Variants in SS18L2 observed in about 807,000 individuals in gnomAD.
SS18L2 encodes SS18-like protein 2.
In SS18L2, 8 loss-of-function variants were observed where a neutral mutation model predicts 10.3. The observed-to-expected ratio is 0.78, with a 90% CI of 0.46 to 1.41. The LOEUF (loss-of-function observed/expected upper bound fraction) is 1.41. Ranked by LOEUF, SS18L2 falls within the 40% of genes most tolerant of loss-of-function variation. The pLI, the probability that SS18L2 is intolerant of heterozygous loss-of-function variation, is 0.00. For synonymous variants in SS18L2, 41 were observed against 34.6 expected, an observed-to-expected ratio of 1.19 and a Z score of -0.65; for missense variants, 100 against 96.2, an observed-to-expected ratio of 1.04 and a Z score of -0.17.
upstream of SS18L2, chr3:42,590,775 A>G: frequency 9.9e-7 from 1 of 1,011,628 alleles, no homozygotes; most frequent in Non-Finnish European, 1.6e-6. Context: ...GCGTCCAGTC[A>G]CAAATGACGT....
rs779851236 is a variant in SS18L2, at chr3:42,591,527, C to T, written c.72C>T (p.Leu24=). 1 of 1,613,382 alleles carries T rather than the reference C, an allele frequency of 6.2e-7. No homozygotes were observed. Among genetic ancestry groups the T allele is most frequent in the Non-Finnish European group, 8.5e-7 (1 of 1,179,362 alleles). ...AEVNQETIQR[L]LEENDQLIRC... ...CCTTTCTTTCTCTGATCTTTCAGCT[C>T]CTTGAGGAGAATGACCAGCTGATCC... Residue 24 remains leucine (L), a splice_region_variant and synonymous_variant, in exon 2 of 3, where the codon CTC becomes CTT. Coordinates refer to ENST00000011691, the MANE Select transcript of SS18L2 (RefSeq NM_001370300.1).
chr3:42,589,263 T>G (rs1335662194), upstream of SS18L2, among the ~76,000 whole-genome samples: 1 of 151,582 alleles, frequency 6.6e-6, no homozygotes, highest in African/African-American at 2.4e-5. Flanking sequence ...AGCGAGACTC[T>G]GTCTCAAAAA....
At chr3:42,582,102 T>C (rs368032053) in intron 1 of SS18L2, 13 of 151,968 alleles carry the variant, frequency 8.6e-5, no homozygotes, top group Non-Finnish European at 1.5e-4. Flanking sequence ...GGCGCGAACG[T>C]AGTGGTTCTT....
intron 2 of SS18L2, 41 bp downstream of exon 2, chr3:42,591,642 G>A (rs1255323012): frequency 7.3e-7 from 1 of 1,368,740 alleles, no homozygotes. Context: ...TGTGGGTAGA[G>A]GGGAAGCCTG....
At chr3:42,593,187 C>T (rs1022359920) in intron 2 of SS18L2, among the ~76,000 whole-genome samples, 1 of 152,068 alleles carries the variant, frequency 6.6e-6, no homozygotes, top group Non-Finnish European at 1.5e-5. Context: ...CTGAGGCGGG[C>T]AGATCATCTG....
rs746254568 is a variant in SS18L2, at chr3:42,596,813, C to T, written c.*2304C>T. Among the ~76,000 whole-genome samples the T allele has an allele frequency of 6.6e-6, 1 of 152,176 alleles. No homozygotes were observed. Among genetic ancestry groups the T allele is most frequent in the Non-Finnish European group, 1.5e-5 (1 of 68,024 alleles). ...TCAGAGAGATCAAAGTGATTTGTCTCAGGTCACATAACCAGTGGCAGAAAG... is the reference window on the plus strand; with the variant it reads ...TCAGAGAGATCAAAGTGATTTGTCTTAGGTCACATAACCAGTGGCAGAAAG... On this transcript the variant is annotated 3_prime_UTR_variant, in exon 3 of 3. Coordinates refer to ENST00000011691, the MANE Select transcript of SS18L2 (RefSeq NM_001370300.1).
upstream of SS18L2, chr3:42,590,668 A>G (rs1271249345): frequency 1.5e-5 from 9 of 601,056 alleles, no homozygotes; most frequent in Admixed American, 2.9e-5. Context: ...CCAACCCACA[A>G]GTTTCGCTCT....
upstream of SS18L2, among the ~76,000 whole-genome samples, chr3:42,589,659 T>G (rs1704747063): frequency 6.6e-6 from 1 of 152,192 alleles, no homozygotes; most frequent in Non-Finnish European, 1.5e-5. Flanking sequence ...AACCCTATTG[T>G]GAACTGGACT....
chr3:42,593,871 G>T (rs558934765), intron 2 of SS18L2, among the ~76,000 whole-genome samples: 1 of 152,298 alleles, frequency 6.6e-6, no homozygotes, highest in South Asian at 2.1e-4. Flanking sequence ...GTAAGACAGA[G>T]AAAGCATCAG....
chr3:42,589,939 G>T (rs1345436923), upstream of SS18L2, among the ~76,000 whole-genome samples: 1 of 152,188 alleles, frequency 6.6e-6, no homozygotes, highest in Non-Finnish European at 1.5e-5. Flanking sequence ...CACCTTTGCG[G>T]TATGGTGCCT....
chr3:42,591,572 G>C lies in SS18L2; in HGVS notation c.117G>C (p.Gln39His). ...TGATCCGCTGTATTGTGGAGTATCA[G>C]AACAAGGGCCGCGGGAACGAGTGCG... Reference protein sequence around the residue: ...DQLIRCIVEYQNKGRGNECVQ... With the variant: ...DQLIRCIVEYHNKGRGNECVQ... Residue 39 changes from glutamine (Q) to histidine (H), a missense_variant, in exon 2 of 3, where the codon CAG becomes CAC. Transcript: ENST00000011691. 1.2e-6 allele frequency: 2 copies of C among 1,614,036 alleles called. No homozygotes were observed. Among genetic ancestry groups the C allele is most frequent in the South Asian group, 1.1e-5 (1 of 91,086 alleles).
chr3:42,586,675 C>T (rs889264165), upstream of SS18L2, among the ~76,000 whole-genome samples: 7 of 152,070 alleles, frequency 4.6e-5, no homozygotes, highest in Middle Eastern at 6.8e-3. Context: ...TCCATTGCAG[C>T]TTCTTTTCCT....
intron 2 of SS18L2, among the ~76,000 whole-genome samples, chr3:42,593,078 G>A (rs1342131321): frequency 1.3e-5 from 2 of 152,138 alleles, no homozygotes; most frequent in East Asian, 3.8e-4. Flanking sequence ...CATTTAAGTT[G>A]TATTAGTTAT....
upstream of SS18L2, chr3:42,587,611 C>T (rs1704659345): frequency 1.3e-5 from 2 of 152,122 alleles, no homozygotes; most frequent in South Asian, 4.1e-4. Context: ...TGGCGAGCGC[C>T]TGTAGTCCCA....
chr3:42,590,191 GTT>G (rs1358308173), upstream of SS18L2, among the ~76,000 whole-genome samples: 4 of 152,350 alleles, frequency 2.6e-5, no homozygotes, highest in East Asian at 7.7e-4. Flanking sequence ...TAATACCAGA[GTT>G]TTCCTGGCCT....
upstream of SS18L2, among the ~76,000 whole-genome samples, chr3:42,586,585 T>TAAAA (rs35415799): frequency 7.2e-6 from 1 of 139,748 alleles, no homozygotes; most frequent in Non-Finnish European, 1.6e-5. Flanking sequence ...AGTCACTGTT[T>TAAAA]AAAAAAAAAA....
upstream of SS18L2, among the ~76,000 whole-genome samples, chr3:42,587,066 T>G (rs1375488715): frequency 6.6e-6 from 1 of 152,226 alleles, no homozygotes; most frequent in Non-Finnish European, 1.5e-5. Context: ...TGCACACACT[T>G]CTTTTCTCAT....
At chr3:42,591,158 T>TC in intron 1 of SS18L2, 192 bp downstream of exon 1, 1 of 630,336 alleles carries the variant, frequency 1.6e-6, no homozygotes, top group Non-Finnish European at 2.8e-6. Context: ...TGGGGTTCGG[T>TC]CCCCCGCCGT....
At position 42,594,511 on chromosome 3, in the gene SS18L2, C is replaced by A. The variant is rs747267212; in HGVS notation, c.*2C>A. 8.1e-6 allele frequency: 13 copies of A among 1,611,150 alleles called. No individual in the cohort carries two copies. Among genetic ancestry groups the A allele is most frequent in the Middle Eastern group, 3.3e-4 (2 of 6,040 alleles). On this transcript the variant is annotated 3_prime_UTR_variant, in exon 3 of 3. Coordinates refer to ENST00000011691, the MANE Select transcript of SS18L2 (RefSeq NM_001370300.1). Reference sequence around the variant, plus strand: ...AGCACTTCAAAAGCAATGGAATAATCTTTCAAAAGCAATAGAATAATCTTC... The same window carrying A: ...AGCACTTCAAAAGCAATGGAATAATATTTCAAAAGCAATAGAATAATCTTC...
Sources: allele counts gnomAD v4.1 joint callset (sites outside exome capture counted in the v4.1 genomes callset), GRCh38; gene constraint gnomAD v4.1.1; transcripts MANE v1.5; gene names NCBI Gene and HGNC (gene_info 2026-07-23, HGNC 2026-07-21).